Variants in RAD9A observed in about 807,000 individuals in gnomAD.
The protein encoded by RAD9A is RAD9 checkpoint clamp component A.
A neutral mutation model predicts 41.2 loss-of-function variants in RAD9A; 25 were observed. The ratio of observed to expected loss-of-function variants is 0.61; its 90% CI spans 0.44 to 0.85. The LOEUF (loss-of-function observed/expected upper bound fraction) is 0.85, where lower values mean the gene tolerates loss of function less well. RAD9A is among the 40% of genes least tolerant of loss of function. RAD9A has a pLI of 0.00. For missense variants in RAD9A, 514 were observed against 518.3 expected (o/e 0.99, Z 0.08); for synonymous variants, 252 against 210.6 (o/e 1.20, Z -1.70).
chr11:67,392,699 T>G lies in RAD9A; in HGVS notation c.151T>G (p.Phe51Val), dbSNP rs1427138462. 6.2e-7 allele frequency: 1 copy of G among 1,613,910 alleles called. No individual in the cohort carries two copies. Among genetic ancestry groups the G allele is most frequent in the East Asian group, 2.2e-5 (1 of 44,892 alleles). Reference protein sequence around the residue: ...VNSSRSAYACFLFAPLFFQQY... With the variant: ...VNSSRSAYACVLFAPLFFQQY... ...CTCCTCCCGCTCTGCCTATGCCTGC[T>G]TTCTCTTTGCCCCGCTCTTCTTCCA... The change falls in exon 3 of 11, where the codon TTT becomes GTT. Residue 51 changes from phenylalanine (F) to valine (V), a missense_variant. By Grantham distance (50) the Phe-to-Val change is conservative. Around this residue, in one of 3 missense-constraint regions of RAD9A, gnomAD observed 268 missense variants for 279.3 expected, o/e 0.96. Coordinates refer to ENST00000307980, the MANE Select transcript of RAD9A (RefSeq NM_004584.3).
intron 3 of RAD9A, 99 bp from the exon 4 acceptor site, chr11:67,393,397 G>GAGTT: frequency 6.6e-7 from 1 of 1,509,992 alleles, no homozygotes; most frequent in African/African-American, 1.4e-5. Context: ...CCTTTTCCCA[G>GAGTT]AGTTACATGC....
At position 67,396,107 on chromosome 11, in the gene RAD9A, C is replaced by T. The variant is rs367633212; in HGVS notation, c.670-4C>T. On this transcript the variant is annotated splice_region_variant and splice_polypyrimidine_tract_variant and intron_variant, in intron 7 of 10. Transcript: ENST00000307980. ...GGCCTCACCTGCTACCTCTTTCCTC[C>T]CAGGGGCTCCTGAGCTTTGCAGAGT... 5.7e-5 allele frequency: 92 copies of T among 1,613,806 alleles called. No individual in the cohort carries two copies. The African/African-American group carries it at 1.1e-3, about 18-fold the overall frequency.
At position 67,397,815 on chromosome 11, in the gene RAD9A, CCT is replaced by C. The variant is rs1862761334; in HGVS notation, c.*259_*260del. ...TGGCCCTGAACTACTGACGTTCCTA[CCT>C]CTTATTTCTCATTGAGCCTCAGGCT... On this transcript the variant is annotated 3_prime_UTR_variant, in exon 11 of 11. Coordinates refer to ENST00000307980, the MANE Select transcript of RAD9A (RefSeq NM_004584.3). 2.0e-6 allele frequency: 1 copy of C among 495,954 alleles called. No individual in the cohort carries two copies. Among genetic ancestry groups the C allele is most frequent in the Admixed American group, 3.8e-5 (1 of 26,550 alleles). The allele number at this position is 495,954 out of a possible 1,614,324, so 30.7% of individuals were successfully genotyped here. A position where few individuals can be genotyped will look rare whatever the true frequency, so the allele number is the denominator to read the frequency against.
At position 67,395,738 on chromosome 11, in the gene RAD9A, C is replaced by T; in HGVS notation, c.472C>T (p.Pro158Ser). 6.2e-7 allele frequency: 1 copy of T among 1,610,552 alleles called. No homozygotes were observed. Among genetic ancestry groups the T allele is most frequent in the Non-Finnish European group, 8.5e-7 (1 of 1,178,406 alleles). The change falls in exon 6 of 11, where the codon CCC becomes TCC. Residue 158 changes from proline to serine, a missense_variant. Pro to Ser is a moderately conservative substitution (Grantham distance 74, BLOSUM62 -1). Coordinates refer to ENST00000307980, the MANE Select transcript of RAD9A (RefSeq NM_004584.3). ...CAGGGTTCTGGGGGAGGCTGTTCTG[C>T]CCTTCTCTCCTGCACTGGCTGAAGT... ...PARVLGEAVLPFSPALAEVTL... is the reference protein window; with the variant it reads ...PARVLGEAVLSFSPALAEVTL...
chr11:67,393,609 C>G lies in RAD9A; in HGVS notation c.348C>G (p.Phe116Leu), dbSNP rs751591647. Residue 116 changes from phenylalanine (F) to leucine (L), a missense_variant and splice_region_variant, in exon 4 of 11, where the codon TTC becomes TTG. Physicochemically the swap from Phe to Leu is conservative, Grantham distance 22. Around this residue, in one of 3 missense-constraint regions of RAD9A, gnomAD observed 268 missense variants for 279.3 expected, o/e 0.96. Transcript: ENST00000307980. ...TGGTGGTCCAGCTGCATTGCAAGTT[C>G]GGTGAGTGGGCAGCCGGCCAGCCAA... The part of the protein sequence containing the change: ...SRLVVQLHCK[F>L]GVRKTHNLSF... 2 of 1,614,138 alleles carry G rather than the reference C, an allele frequency of 1.2e-6. No homozygotes were observed. Among genetic ancestry groups the G allele is most frequent in the Non-Finnish European group, 8.5e-7 (1 of 1,179,990 alleles).
At position 67,396,388 on chromosome 11, in the gene RAD9A, T is replaced by G. The variant is rs774490623; in HGVS notation, c.860T>G (p.Leu287Arg). 1 of 1,613,714 alleles carries G rather than the reference T, an allele frequency of 6.2e-7. No individual in the cohort carries two copies. The highest frequency in any genetic ancestry group is 1.7e-5 in the Admixed American group (1 of 60,008). Residue 287 changes from leucine (L) to arginine (R), a missense_variant, in exon 9 of 11, where the codon CTC becomes CGC. By Grantham distance (102) the Leu-to-Arg change is moderately radical. Coordinates refer to ENST00000307980, the MANE Select transcript of RAD9A (RefSeq NM_004584.3). ...SPERHQPVPQLQAHSTPHPDD... is the reference protein window; with the variant it reads ...SPERHQPVPQRQAHSTPHPDD... Reference sequence around the variant, plus strand: ...GAGCGTCACCAGCCAGTGCCTCAGCTCCAGGCTCACAGGTGAGGGCACCTC... The same window carrying G: ...GAGCGTCACCAGCCAGTGCCTCAGCGCCAGGCTCACAGGTGAGGGCACCTC...
Position 67,396,026 on chromosome 11 carries a change from G to A in RAD9A, c.669+5G>A. 1.2e-6 allele frequency: 2 copies of A among 1,614,120 alleles called. No individual in the cohort carries two copies. Among genetic ancestry groups the A allele is most frequent in the South Asian group, 1.1e-5 (1 of 91,080 alleles). ...TTCTGCCTCAAGGAATTCCGGGTGA[G>A]GTTCCTCCCAGGCGCTCGCCGTCCT... is the stretch of plus-strand genomic sequence containing the variant. On this transcript the variant is annotated splice_donor_5th_base_variant and intron_variant, in intron 7 of 10. Transcript: ENST00000307980.
chr11:67,393,641 C>G, intron 4 of RAD9A, 31 bp downstream of exon 4: 6 of 1,613,508 alleles, frequency 3.7e-6, no homozygotes, highest in Non-Finnish European at 5.1e-6. Context: ...CCAAGGGGTG[C>G]CTCAGCAGGG....
chr11:67,397,598 AGAC>A lies in RAD9A; in HGVS notation c.*42_*44del. On this transcript the variant is annotated 3_prime_UTR_variant, in exon 11 of 11. Transcript: ENST00000307980. ...AGCCTGTACCCAGAGGCCTTGGACT[AGAC>A]GAAGCCCCAGCCAGTGGCAGAACTG... 1 of 1,516,856 alleles carries A rather than the reference AGAC, an allele frequency of 6.6e-7. No homozygotes were observed. Among genetic ancestry groups the A allele is most frequent in the South Asian group, 1.1e-5 (1 of 87,388 alleles). The allele number at this position is 1,516,856 out of a possible 1,614,324, so 94.0% of individuals were successfully genotyped here.
At position 67,395,791 on chromosome 11, in the gene RAD9A, G is replaced by A. The variant is rs1210820961; in HGVS notation, c.525G>A (p.Arg175=). 3.7e-6 allele frequency: 6 copies of A among 1,613,900 alleles called. No homozygotes were observed. Among genetic ancestry groups the A allele is most frequent in the Non-Finnish European group, 3.4e-6 (4 of 1,180,016 alleles). Residue 175 remains arginine, a synonymous_variant, in exon 6 of 11, where the codon AGG becomes AGA. Coordinates refer to ENST00000307980, the MANE Select transcript of RAD9A (RefSeq NM_004584.3). ...EVTLGIGRGR[R]VILRSYHEEE... ...CGCTGGGCATTGGCCGTGGCCGCAG[G>A]GTCATCCTGCGCAGCTACCACGAGG...
Position 67,392,755 on chromosome 11 carries a change from C to G in RAD9A, c.207C>G (p.Asp69Glu), listed in dbSNP as rs747387627. The change falls in exon 3 of 11, where the codon GAC becomes GAG. Residue 69 changes from aspartate (D) to glutamate (E), a missense_variant. By Grantham distance (45) the Asp-to-Glu change is conservative. Coordinates refer to ENST00000307980, the MANE Select transcript of RAD9A (RefSeq NM_004584.3). ...QQYQAATPGQ[D>E]LLRCKILMKS... is the part of the protein sequence containing the mutation. ...ACCAGGCAGCCACCCCTGGTCAGGA[C>G]CTGCTGCGCTGTAAGATCCTGATGA... 5 of 1,613,968 alleles carry G rather than the reference C, an allele frequency of 3.1e-6. No individual in the cohort carries two copies. The highest frequency in any genetic ancestry group is 2.7e-5 in the African/African-American group (2 of 74,918).
rs769388790 is a variant in RAD9A at position 67,397,535 on chromosome 11, G to A, written c.1152G>A (p.Ala384=). 41 of 1,609,270 alleles carry A rather than the reference G, an allele frequency of 2.5e-5. No individual in the cohort carries two copies. Among genetic ancestry groups the A allele is most frequent in the Middle Eastern group, 3.8e-4 (2 of 5,206 alleles). ...CCCAGGGCCCCAGCCCTGTGCTGGCGGAAGACAGTGAGGGTGAAGGCTGAA... is the reference window on the plus strand; with the variant it reads ...CCCAGGGCCCCAGCCCTGTGCTGGCAGAAGACAGTGAGGGTGAAGGCTGAA... ...RSPQGPSPVL[A]EDSEGEG is the part of the protein sequence containing the mutation. The change falls in exon 11 of 11, where the codon GCG becomes GCA. Residue 384 remains alanine, a synonymous_variant. Coordinates refer to ENST00000307980, the MANE Select transcript of RAD9A (RefSeq NM_004584.3).
At chr11:67,395,694 TA>T in intron 5 of RAD9A, 21 bp from the exon 6 acceptor site, 1 of 1,556,114 alleles carries the variant, frequency 6.4e-7, no homozygotes, top group Non-Finnish European at 8.7e-7. Flanking sequence ...GCATTTCGGG[TA>T]ATGCTCCACC....
chr11:67,394,825 A>T (rs1376807488), intron 5 of RAD9A, among the ~76,000 whole-genome samples: 1 of 151,278 alleles, frequency 6.6e-6, no homozygotes, highest in East Asian at 1.9e-4. Context: ...CATGTTGGTC[A>T]GGCTGGTCTT....
rs138518860 is a variant in RAD9A at position 67,396,309 on chromosome 11, G to T, written c.781G>T (p.Val261Phe). 4 of 1,614,012 alleles carry T rather than the reference G, an allele frequency of 2.5e-6. No individual in the cohort carries two copies. Among genetic ancestry groups the T allele is most frequent in the East Asian group, 2.2e-5 (1 of 44,874 alleles). The change falls in exon 9 of 11, where the codon GTC (valine) becomes TTC (phenylalanine). Residue 261 changes from valine to phenylalanine, a missense_variant. Physicochemically the swap from Val to Phe is conservative, Grantham distance 50. Transcript: ENST00000307980. The part of the protein sequence containing the change: ...IKDSLLDGHF[V>F]LATLSDTDSH... ...GGACTCTTTGCTGGACGGCCACTTT[G>T]TCTTGGCCACACTCTCAGACACCGA...
At chr11:67,396,966 A>AC (rs1483258829) in intron 9 of RAD9A, among the ~76,000 whole-genome samples, 2 of 151,954 alleles carry the variant, frequency 1.3e-5, no homozygotes, top group African/African-American at 4.8e-5. Flanking sequence ...TCAGGCCCCT[A>AC]CCTGAATTCT....
rs1471129003 is a variant in RAD9A at position 67,398,022 on chromosome 11, C to G, written c.*463C>G. ...CCGTGGAGCTGACAAGTTTTCCTTG[C>G]TTTCCTGATACTCTTTGGCGCTGAC... On this transcript the variant is annotated 3_prime_UTR_variant, in exon 11 of 11. Coordinates refer to ENST00000307980, the MANE Select transcript of RAD9A (RefSeq NM_004584.3). The G allele has an allele frequency of 5.0e-6, 1 of 199,384 alleles. No individual in the cohort carries two copies. Among genetic ancestry groups the G allele is most frequent in the Non-Finnish European group, 1.0e-5 (1 of 97,188 alleles). The allele number at this position is 199,384 out of a possible 1,614,324, so 12.4% of individuals were successfully genotyped here.
chr11:67,397,383 G>T lies in RAD9A; in HGVS notation c.1077G>T (p.Lys359Asn). Reference sequence around the variant, plus strand: ...CAGTGCCTGGGACTCCCCCACCCAAGAAGGTAGGGACTGGAGGTGGAGGCA... The same window carrying T: ...CAGTGCCTGGGACTCCCCCACCCAATAAGGTAGGGACTGGAGGTGGAGGCA... Reference protein sequence around the residue: ...PSTVPGTPPPKKFRSLFFGSI... With the variant: ...PSTVPGTPPPNKFRSLFFGSI... The change falls in exon 10 of 11, where the codon AAG becomes AAT. Residue 359 changes from lysine to asparagine, a missense_variant. Physicochemically the swap from Lys to Asn is moderately conservative, Grantham distance 94. This residue lies in a region of RAD9A where 216 missense variants were observed against 184.2 expected (regional missense o/e 1.17). Coordinates refer to ENST00000307980, the MANE Select transcript of RAD9A (RefSeq NM_004584.3). 6.3e-7 allele frequency: 1 copy of T among 1,590,754 alleles called. No homozygotes were observed. The highest frequency in any genetic ancestry group is 8.6e-7 in the Non-Finnish European group (1 of 1,166,150).
At chr11:67,392,883 G>A in intron 3 of RAD9A, 101 bp downstream of exon 3, 1 of 1,463,050 alleles carries the variant, frequency 6.8e-7, no homozygotes, top group Non-Finnish European at 9.4e-7. Context: ...TGGGGAGAGA[G>A]ACACGTGCAA....
Sources: gnomAD v4.1 joint callset for allele counts (sites outside exome capture counted in the v4.1 genomes callset) on GRCh38, gnomAD v4.1.1 for gene constraint, gnomAD v4.1.1 regional missense constraint, MANE v1.5 for transcripts, NCBI Gene and HGNC (gene_info 2026-07-23, HGNC 2026-07-21) for gene names.